The following DGKG variants were observed in gnomAD, a reference collection of about 807,000 sequenced individuals.
DGKG encodes the protein diacylglycerol kinase gamma.
A neutral mutation model predicts 105.3 loss-of-function variants in DGKG; 78 were observed. The observed-to-expected ratio is 0.74, with a 90% CI of 0.62 to 0.89. The LOEUF (loss-of-function observed/expected upper bound fraction) is 0.89, where lower values mean the gene tolerates loss of function less well. Ranked by LOEUF, DGKG falls within the 40% of genes least tolerant of loss-of-function variation. The pLI is 0.00. For missense variants in DGKG, 958 were observed against 1,020.1 expected, an observed-to-expected ratio of 0.94 and a Z score of 0.83; for synonymous variants, 346 against 367.1, an observed-to-expected ratio of 0.94 and a Z score of 0.66.
At chr3:186,305,917 C>A (rs1387824322) in intron 3 of DGKG, among the ~76,000 whole-genome samples, 1 of 152,088 alleles carries the variant, frequency 6.6e-6, no homozygotes, top group Non-Finnish European at 1.5e-5. Context: ...AGATTAAGGA[C>A]ACATCAGTTT....
chr3:186,318,233 C>CA (rs1214048751), intron 2 of DGKG, among the ~76,000 whole-genome samples: 1 of 152,164 alleles, frequency 6.6e-6, no homozygotes, highest in Non-Finnish European at 1.5e-5. Context: ...CTGCTATCCC[C>CA]ACGCCTCCTA....
intron 20 of DGKG, among the ~76,000 whole-genome samples, chr3:186,237,980 A>T (rs1720495634): frequency 6.6e-6 from 1 of 152,162 alleles, no homozygotes; most frequent in African/African-American, 2.4e-5. Context: ...TTCCCCTTTA[A>T]CACTATTGCT....
chr3:186,188,501 G>A, intron 21 of DGKG, 122 bp from the exon 22 acceptor site: 1 of 948,220 alleles, frequency 1.1e-6, no homozygotes, highest in Middle Eastern at 3.4e-4. Context: ...CAGGTCCTCA[G>A]CCACCACCCT....
intron 20 of DGKG, among the ~76,000 whole-genome samples, chr3:186,229,552 C>G (rs967346788): frequency 7.9e-5 from 12 of 152,120 alleles, no homozygotes; most frequent in Non-Finnish European, 1.3e-4. Flanking sequence ...GCCAGACATG[C>G]AGCTTTTAGA....
intron 5 of DGKG, among the ~76,000 whole-genome samples, chr3:186,296,291 A>G (rs1341043555): frequency 1.3e-5 from 2 of 152,214 alleles, no homozygotes; most frequent in African/African-American, 2.4e-5. Context: ...AGGCACAGAG[A>G]CGTTGTTCAA....
intron 19 of DGKG, among the ~76,000 whole-genome samples, chr3:186,244,057 G>A (rs1023772497): frequency 4.0e-5 from 6 of 151,732 alleles, no homozygotes; most frequent in African/African-American, 7.3e-5. Flanking sequence ...CCATCACACC[G>A]GGCTAATTTT....
intron 3 of DGKG, among the ~76,000 whole-genome samples, chr3:186,303,204 A>T (rs140863544): frequency 8.4e-4 from 128 of 152,318 alleles, no homozygotes; most frequent in African/African-American, 3.1e-3. Context: ...GTTCTTTAAA[A>T]GCACAGCCCA....
Position 186,258,949 on chromosome 3 carries a change from T to C in DGKG, c.1425-1010A>G, listed in dbSNP as rs56409865. 5.4e-3 allele frequency among the ~76,000 whole-genome samples: 821 copies of C among 152,296 alleles called. 2 individuals carry two copies. The highest frequency in any genetic ancestry group is 0.019 in the African/African-American group (789 of 41,550). On this transcript the variant is annotated intron_variant, in intron 16 of 24. Coordinates refer to ENST00000265022, the MANE Select transcript of DGKG (RefSeq NM_001346.3). ...CCTCTGCTTTAGAATGAATGTGCCCTGCGGACACCTTGGGGGTGGAACTTG... is the reference window on the plus strand; with the variant it reads ...CCTCTGCTTTAGAATGAATGTGCCCCGCGGACACCTTGGGGGTGGAACTTG...
intron 1 of DGKG, among the ~76,000 whole-genome samples, chr3:186,327,188 T>C (rs1725382835): frequency 6.6e-6 from 1 of 152,026 alleles, no homozygotes; most frequent in South Asian, 2.1e-4. Flanking sequence ...AAGAAAAAGA[T>C]ATACTCAGAG....
intron 20 of DGKG, among the ~76,000 whole-genome samples, chr3:186,236,702 C>T (rs1720436437): frequency 6.6e-6 from 1 of 152,216 alleles, no homozygotes; most frequent in Admixed American, 6.5e-5. Flanking sequence ...TCCAAGAAAG[C>T]TAATATTTCA....
At chr3:186,160,971 G>A (rs980990196) in intron 24 of DGKG, 7 of 984,984 alleles carry the variant, frequency 7.1e-6, no homozygotes, top group Non-Finnish European at 7.2e-6. Context: ...GTATTATTGT[G>A]CAACTATTAC....
intron 3 of DGKG, among the ~76,000 whole-genome samples, chr3:186,304,985 A>C (rs921424881): frequency 7.9e-5 from 12 of 152,206 alleles, no homozygotes; most frequent in African/African-American, 2.9e-4. Flanking sequence ...AGCCCAAGAA[A>C]TGTTAGAGTC....
chr3:186,178,766 G>A (rs1389786520), intron 22 of DGKG, among the ~76,000 whole-genome samples: 1 of 152,190 alleles, frequency 6.6e-6, no homozygotes, highest in Non-Finnish European at 1.5e-5. Flanking sequence ...GTGAATTTGA[G>A]TTGGGTCAGG....
intron 21 of DGKG, among the ~76,000 whole-genome samples, chr3:186,189,969 G>T (rs1717827278): frequency 6.6e-6 from 1 of 151,958 alleles, no homozygotes; most frequent in Admixed American, 6.6e-5. Context: ...GATCACCATT[G>T]TGCACATGTA....
At chr3:186,199,805 C>T (rs892606681) in intron 21 of DGKG, among the ~76,000 whole-genome samples, 2 of 152,140 alleles carry the variant, frequency 1.3e-5, no homozygotes, top group African/African-American at 2.4e-5. Context: ...TGAGCCACTG[C>T]GCCCGGCCTT....
At chr3:186,313,062 T>G (rs1048540691) in intron 2 of DGKG, among the ~76,000 whole-genome samples, 1 of 152,234 alleles carries the variant, frequency 6.6e-6, no homozygotes, top group Non-Finnish European at 1.5e-5. Flanking sequence ...GTCCCACATG[T>G]CCTATATTCT....
rs112164305 is a variant in DGKG, at chr3:186,293,652, A to G, written c.373+3769T>C. Among the ~76,000 whole-genome samples, 630 of 152,336 alleles carry G rather than the reference A, an allele frequency of 4.1e-3. 3 individuals carry two copies. Among genetic ancestry groups the G allele is most frequent in the African/African-American group, 0.014 (585 of 41,580 alleles). On this transcript the variant is annotated intron_variant, in intron 5 of 24. Coordinates refer to ENST00000265022, the MANE Select transcript of DGKG (RefSeq NM_001346.3). ...TCTGTCTTTATGGCTCTGGGAATGAAGTGGGCTTTGCTAGATCTGAGCTTG... is the reference window on the plus strand; with the variant it reads ...TCTGTCTTTATGGCTCTGGGAATGAGGTGGGCTTTGCTAGATCTGAGCTTG...
At chr3:186,160,435 T>C (rs2108475431) in intron 24 of DGKG, 2 of 985,442 alleles carry the variant, frequency 2.0e-6, no homozygotes, top group South Asian at 9.4e-5. Flanking sequence ...CTATGCGTCC[T>C]AACTCCAGCA....
At chr3:186,188,799 G>A (rs960235781) in intron 21 of DGKG, among the ~76,000 whole-genome samples, 3 of 151,974 alleles carry the variant, frequency 2.0e-5, no homozygotes. Context: ...CATAACAAAT[G>A]ACAGAAAATT....
Sources: allele counts gnomAD v4.1 joint callset (sites outside exome capture counted in the v4.1 genomes callset), GRCh38; gene constraint gnomAD v4.1.1; transcripts MANE v1.5; gene names NCBI Gene and HGNC (gene_info 2026-07-23, HGNC 2026-07-21).